The following STPG2 variants were observed in gnomAD, a reference collection of about 807,000 sequenced individuals.
The protein encoded by STPG2 is sperm-tail PG-rich repeat-containing protein 2.
STPG2 carries 56 observed loss-of-function variants against 54.2 expected under a neutral mutation model. That is an observed-to-expected ratio of 1.03 (90% CI 0.83 to 1.29). STPG2 has a LOEUF of 1.29. Ranked by LOEUF, STPG2 falls within the 50% of genes most tolerant of loss-of-function variation. The pLI is 0.00. For synonymous variants in STPG2, 200 were observed against 181.8 expected, an observed-to-expected ratio of 1.10 and a Z score of -0.81; for missense variants, 596 against 544.9, an observed-to-expected ratio of 1.09 and a Z score of -0.93.
At chr4:97,744,052 T>A (rs1725351627) in intron 9 of STPG2, among the ~76,000 whole-genome samples, 1 of 151,452 alleles carries the variant, frequency 6.6e-6, no homozygotes, top group Non-Finnish European at 1.5e-5. Flanking sequence ...GCCTTTGCAT[T>A]TATATAATAG....
At chr4:97,911,823 C>T (rs942653179) in intron 8 of STPG2, among the ~76,000 whole-genome samples, 1 of 152,108 alleles carries the variant, frequency 6.6e-6, no homozygotes, top group African/African-American at 2.4e-5. Context: ...AGCGGAGTCA[C>T]CCCACCAAGA....
chr4:97,679,863 T>A (rs866925029), intron 10 of STPG2, among the ~76,000 whole-genome samples: 1 of 151,812 alleles, frequency 6.6e-6, no homozygotes, highest in East Asian at 1.9e-4. Context: ...AGTTTTCCCA[T>A]CACCATTTAT....
At chr4:97,686,001 T>C (rs921765793) in intron 10 of STPG2, among the ~76,000 whole-genome samples, 6 of 152,218 alleles carry the variant, frequency 3.9e-5, no homozygotes, top group Non-Finnish European at 8.8e-5. Flanking sequence ...ATGATTTGTA[T>C]AATTGAATTG....
chr4:97,907,315 G>A (rs1286282224), intron 8 of STPG2, among the ~76,000 whole-genome samples: 4 of 151,964 alleles, frequency 2.6e-5, no homozygotes, highest in Non-Finnish European at 2.9e-5. Flanking sequence ...TACAAGGGAT[G>A]TGAAGGACCT....
chr4:97,742,758 A>G (rs1725302829), intron 9 of STPG2, among the ~76,000 whole-genome samples: 1 of 151,604 alleles, frequency 6.6e-6, no homozygotes, highest in Non-Finnish European at 1.5e-5. Context: ...AACCTGAGAT[A>G]TGGGTACAGA....
At chr4:97,763,499 CTA>C (rs1725949341) in intron 9 of STPG2, among the ~76,000 whole-genome samples, 1 of 152,168 alleles carries the variant, frequency 6.6e-6, no homozygotes, top group South Asian at 2.1e-4. Context: ...GCACAAATTT[CTA>C]TGATAGGTGA....
intron 8 of STPG2, among the ~76,000 whole-genome samples, chr4:97,879,869 C>T (rs72686441): frequency 0.12 from 17,710 of 152,022 alleles, 1,442 homozygotes; most frequent in East Asian, 0.36. Flanking sequence ...TTAGTACAGC[C>T]ATTATGAAAA....
At chr4:97,591,639 T>C (rs1054227583) in intron 10 of STPG2, among the ~76,000 whole-genome samples, 3 of 152,186 alleles carry the variant, frequency 2.0e-5, no homozygotes, top group Non-Finnish European at 4.4e-5. Context: ...TGTACTTTTT[T>C]ATTTCTTTCA....
At chr4:97,521,357 T>G (rs1164872391) in intron 4 of STPG2, among the ~76,000 whole-genome samples, 1 of 152,072 alleles carries the variant, frequency 6.6e-6, no homozygotes, top group African/African-American at 2.4e-5. Context: ...GATTGGAAAC[T>G]ACTCATATTC....
chr4:97,544,272 A>T (rs1193074510), intron 4 of STPG2, among the ~76,000 whole-genome samples: 8 of 152,116 alleles, frequency 5.3e-5, no homozygotes, highest in Admixed American at 2.0e-4. Context: ...GACCAGATTC[A>T]GATAGCGGTG....
In STPG2 at chr4:97,526,329, AT is replaced by A. The variant is rs58900515; in HGVS notation, c.462+186369del. Among the ~76,000 whole-genome samples, 615 of 151,476 alleles carry A rather than the reference AT, an allele frequency of 4.1e-3. 2 individuals are homozygous for A. Among genetic ancestry groups the A allele is most frequent in the African/African-American group, 0.012 (479 of 41,332 alleles). On this transcript the variant is annotated intron_variant, in intron 4 of 4. Transcript: ENST00000522676. ...TATTTCAACTATGATATATAAACACATTTTTTTTTAATCAACAGAGGTAACA... is the reference window on the plus strand; with the variant it reads ...TATTTCAACTATGATATATAAACACATTTTTTTTAATCAACAGAGGTAACA...
At chr4:97,610,560 G>C (rs1733705581) in intron 10 of STPG2, among the ~76,000 whole-genome samples, 1 of 151,978 alleles carries the variant, frequency 6.6e-6, no homozygotes, top group Admixed American at 6.6e-5. Context: ...CTAGGCTATA[G>C]TTTTCATGAT....
chr4:97,882,288 T>A (rs1208146824), intron 8 of STPG2, among the ~76,000 whole-genome samples: 2 of 152,154 alleles, frequency 1.3e-5, no homozygotes, highest in Admixed American at 6.6e-5. Context: ...TTTCTTACTG[T>A]GTAGACCTTG....
At chr4:97,490,615 T>C (rs1328262206) in intron 4 of STPG2, among the ~76,000 whole-genome samples, 1 of 151,602 alleles carries the variant, frequency 6.6e-6, no homozygotes, top group Non-Finnish European at 1.5e-5. Flanking sequence ...TTCACTGTTA[T>C]AATTGAAGTA....
At chr4:97,830,377 C>A (rs1198961356) in intron 9 of STPG2, among the ~76,000 whole-genome samples, 2 of 152,124 alleles carry the variant, frequency 1.3e-5, no homozygotes, top group Non-Finnish European at 2.9e-5. Flanking sequence ...GAAGGAAACA[C>A]TAAACATGGA....
chr4:97,515,563 C>G (rs1468699075), intron 4 of STPG2, among the ~76,000 whole-genome samples: 4 of 151,968 alleles, frequency 2.6e-5, no homozygotes, highest in Non-Finnish European at 5.9e-5. Flanking sequence ...CAATTTAAAA[C>G]AGGAAGTTAG....
intron 8 of STPG2, among the ~76,000 whole-genome samples, chr4:97,901,711 G>A (rs1731183312): frequency 6.6e-6 from 1 of 151,808 alleles, no homozygotes; most frequent in South Asian, 2.1e-4. Context: ...ATTCATGAAT[G>A]TAAAGAATTA....
chr4:97,628,893 C>A (rs958036417), intron 10 of STPG2, among the ~76,000 whole-genome samples: 1 of 152,008 alleles, frequency 6.6e-6, no homozygotes, highest in Non-Finnish European at 1.5e-5. Flanking sequence ...AATCTATACA[C>A]AACCTGAGGG....
rs1433850355 is a variant in STPG2, at chr4:97,470,542, C to T, written c.462+242157G>A. 2.6e-5 allele frequency among the ~76,000 whole-genome samples: 4 copies of T among 151,974 alleles called. No individual in the cohort carries two copies. The East Asian group carries it at 5.8e-4, about 22-fold the overall frequency. ...TGGATGTCTGAAATCATGGATGATACCAAACACTGTATATACTATGTTGTT... is the reference window on the plus strand; with the variant it reads ...TGGATGTCTGAAATCATGGATGATATCAAACACTGTATATACTATGTTGTT... On this transcript the variant is annotated intron_variant, in intron 4 of 4. Transcript: ENST00000522676.
Sources: allele counts gnomAD v4.1 joint callset (sites outside exome capture counted in the v4.1 genomes callset), GRCh38; gene constraint gnomAD v4.1.1; transcripts MANE v1.5; gene names NCBI Gene and HGNC (gene_info 2026-07-23, HGNC 2026-07-21).